Variants in KYNU observed in about 807,000 individuals in gnomAD.
KYNU encodes the protein L-kynurenine hydrolase.
A neutral mutation model predicts 59.2 loss-of-function variants in KYNU; 54 were observed. The ratio of observed to expected loss-of-function variants is 0.91; its 90% CI spans 0.73 to 1.14. The LOEUF is 1.14. Among genes scored for constraint, KYNU ranks in the 50% most tolerant of loss-of-function variants. KYNU has a pLI of 0.00. For missense variants in KYNU, 567 were observed against 554.4 expected (o/e 1.02, Z -0.23); for synonymous variants, 177 against 192.0 (o/e 0.92, Z 0.65).
Position 142,985,129 on chromosome 2 carries a change from G to T in KYNU, c.775G>T (p.Glu259Ter). 1.2e-6 allele frequency: 2 copies of T among 1,611,654 alleles called. No individual in the cohort carries two copies. Among genetic ancestry groups the T allele is most frequent in the South Asian group, 2.2e-5 (2 of 91,046 alleles). The change falls in exon 9 of 14, where the codon GAA (glutamate) becomes TAA (stop). Residue 259 changes from glutamate to a stop codon, truncating the protein, a stop_gained. Transcript: ENST00000264170. LOFTEE classifies it high-confidence loss of function. ...TCTAGCACATGCAGTTGGAAATGTT[G>T]AACTCTACTTACATGACTGGGGAGT... is the stretch of plus-strand genomic sequence containing the variant. Reference protein sequence around the residue: ...FDLAHAVGNVELYLHDWGVDF... With the variant: ...FDLAHAVGNV
intron 10 of KYNU, among the ~76,000 whole-genome samples, chr2:143,022,936 G>A (rs1026107163): frequency 4.6e-5 from 7 of 151,844 alleles, no homozygotes; most frequent in Admixed American, 3.9e-4. Context: ...TTATGTATCA[G>A]TGTAACTGTC....
rs1420652419 is a variant in KYNU at position 143,051,647 on chromosome 2, T to G, written c.*9475T>G. On this transcript the variant is annotated 3_prime_UTR_variant, in exon 14 of 14. Transcript: ENST00000264170. ...AGTTTCATGAGATCTGTTGGTTTCATAATGTGGAGTTTCCCTGCAAAGGCT... is the reference window on the plus strand; with the variant it reads ...AGTTTCATGAGATCTGTTGGTTTCAGAATGTGGAGTTTCCCTGCAAAGGCT... The G allele has an allele frequency of 6.6e-6, 1 of 152,160 alleles. No homozygotes were observed. The allele number at this position is 152,160 out of a possible 1,614,324, so 9.4% of individuals were successfully genotyped here.
intron 4 of KYNU, among the ~76,000 whole-genome samples, chr2:142,942,446 G>C (rs1419545033): frequency 6.6e-6 from 1 of 152,154 alleles, no homozygotes; most frequent in Non-Finnish European, 1.5e-5. Context: ...ACCCTCTTTG[G>C]AAGTAAGTGT....
At chr2:142,988,937 T>C (rs2105167842) in intron 10 of KYNU, 4 of 1,508,880 alleles carry the variant, frequency 2.7e-6, no homozygotes, top group East Asian at 2.3e-5. Context: ...TTGTCCCTGA[T>C]AGGAAAAGAA....
chr2:142,926,286 A>C (rs866906754), intron 3 of KYNU, among the ~76,000 whole-genome samples: 1 of 152,340 alleles, frequency 6.6e-6, no homozygotes, highest in African/African-American at 2.4e-5. Context: ...AATAAAAAAA[A>C]AAGTCAGAGG....
At chr2:142,930,078 C>A (rs1339021272) in intron 4 of KYNU, among the ~76,000 whole-genome samples, 1 of 152,100 alleles carries the variant, frequency 6.6e-6, no homozygotes, top group African/African-American at 2.4e-5. Context: ...TGATTTTCTT[C>A]TTTATCTGTC....
intron 2 of KYNU, among the ~76,000 whole-genome samples, chr2:142,913,145 C>G (rs968754537): frequency 6.6e-6 from 1 of 152,090 alleles, no homozygotes; most frequent in African/African-American, 2.4e-5. Flanking sequence ...TTTAAAGAAA[C>G]AGCTTTTGGT....
At position 142,972,717 on chromosome 2, in the gene KYNU, CA is replaced by C. The variant is rs373817090; in HGVS notation, c.729+11948del. Reference sequence around the variant, plus strand: ...AGCTGATACCAAAGCTCTCTTTCCACAGTATTGTCTTGTCTATATATATATA... The same window carrying C: ...AGCTGATACCAAAGCTCTCTTTCCACGTATTGTCTTGTCTATATATATATA... On this transcript the variant is annotated intron_variant, in intron 8 of 13. Transcript: ENST00000264170. Among the ~76,000 whole-genome samples, 27 of 151,526 alleles carry C rather than the reference CA, an allele frequency of 1.8e-4. No homozygotes were observed. The East Asian group carries it at 3.5e-3, about 20-fold the overall frequency.
At chr2:142,969,589 T>A (rs1684655941) in intron 8 of KYNU, among the ~76,000 whole-genome samples, 1 of 152,188 alleles carries the variant, frequency 6.6e-6, no homozygotes, top group Non-Finnish European at 1.5e-5. Context: ...ATTTAAGCTT[T>A]TGATTAAATA....
At chr2:142,910,518 T>G (rs1682448009) in intron 2 of KYNU, among the ~76,000 whole-genome samples, 1 of 152,170 alleles carries the variant, frequency 6.6e-6, no homozygotes, top group Non-Finnish European at 1.5e-5. Context: ...TCCCATTCTG[T>G]AGGTTGTCTA....
At chr2:142,907,000 G>A (rs970943127) in intron 2 of KYNU, among the ~76,000 whole-genome samples, 8 of 152,166 alleles carry the variant, frequency 5.3e-5, no homozygotes, top group Non-Finnish European at 1.2e-4. Flanking sequence ...CATGCTAATC[G>A]TTTTTAACCA....
At chr2:143,029,723 T>C in intron 11 of KYNU, 44 bp downstream of exon 11, 1 of 1,106,056 alleles carries the variant, frequency 9.0e-7, no homozygotes, top group Non-Finnish European at 1.4e-6. Context: ...ATTTTAACTT[T>C]ATTTCAATGT....
At chr2:143,024,614 T>C (rs1686500204) in intron 10 of KYNU, among the ~76,000 whole-genome samples, 1 of 152,030 alleles carries the variant, frequency 6.6e-6, no homozygotes, top group South Asian at 2.1e-4. Context: ...TTGAAGCCAA[T>C]CTGACATTTC....
intron 10 of KYNU, among the ~76,000 whole-genome samples, chr2:143,001,361 T>C (rs1347606320): frequency 1.3e-5 from 2 of 152,226 alleles, no homozygotes; most frequent in African/African-American, 4.8e-5. Flanking sequence ...CTCGGGCTTC[T>C]AGCAAATTGT....
intron 4 of KYNU, among the ~76,000 whole-genome samples, chr2:142,938,765 A>C (rs1683478737): frequency 6.6e-6 from 1 of 152,330 alleles, no homozygotes; most frequent in South Asian, 2.1e-4. Flanking sequence ...TAAAAAAAGA[A>C]AAAAGAAATC....
chr2:143,003,437 G>A (rs774320357), intron 10 of KYNU, among the ~76,000 whole-genome samples: 3 of 152,064 alleles, frequency 2.0e-5, no homozygotes, highest in Non-Finnish European at 4.4e-5. Flanking sequence ...AAATAAAATA[G>A]CCAGGTGTGG....
intron 10 of KYNU, among the ~76,000 whole-genome samples, chr2:142,993,274 T>A (rs1685454149): frequency 6.6e-6 from 1 of 152,086 alleles, no homozygotes; most frequent in African/African-American, 2.4e-5. Context: ...TTTATTCTCC[T>A]CATTAGAATT....
intron 2 of KYNU, among the ~76,000 whole-genome samples, chr2:142,899,556 T>G (rs1681999736): frequency 6.6e-6 from 1 of 152,196 alleles, no homozygotes; most frequent in Non-Finnish European, 1.5e-5. Context: ...CGCTCTTAAC[T>G]GCTTCCTGCT....
At chr2:143,025,629 A>AT (rs113443848) in intron 10 of KYNU, among the ~76,000 whole-genome samples, 53,288 of 150,664 alleles carry the variant, frequency 0.35, 10,273 homozygotes, top group East Asian at 0.51. Flanking sequence ...ACTTTAGATA[A>AT]TTTTTTTTTT....
Sources: gnomAD v4.1 joint callset for allele counts (sites outside exome capture counted in the v4.1 genomes callset) on GRCh38, gnomAD v4.1.1 for gene constraint, MANE v1.5 for transcripts, NCBI Gene and HGNC (gene_info 2026-07-23, HGNC 2026-07-21) for gene names.